MACROD2: variants seen among roughly 807,000 people sequenced by gnomAD.
MACROD2 encodes ADP-ribose glycohydrolase MACROD2.
A neutral mutation model predicts 70.4 loss-of-function variants in MACROD2; 36 were observed. The ratio of observed to expected loss-of-function variants is 0.51; its 90% CI spans 0.39 to 0.68. The LOEUF is 0.68. MACROD2 is among the 30% of genes least tolerant of loss of function. The pLI is 0.00. For synonymous variants in MACROD2, 172 were observed against 178.8 expected (o/e 0.96, Z 0.30); for missense variants, 496 against 538.4 (o/e 0.92, Z 0.78).
chr20:15,965,019 C>T (rs1052523223), intron 12 of MACROD2, among the ~76,000 whole-genome samples: 1 of 152,140 alleles, frequency 6.6e-6, no homozygotes, highest in South Asian at 2.1e-4. Context: ...TTTGTGTGCA[C>T]ACATCGAATA....
intron 12 of MACROD2, among the ~76,000 whole-genome samples, chr20:15,940,821 G>C (rs1395732854): frequency 2.6e-5 from 4 of 152,170 alleles, no homozygotes; most frequent in South Asian, 4.1e-4. Context: ...GATCAAATGT[G>C]ATCAGAGCGA....
intron 3 of MACROD2, among the ~76,000 whole-genome samples, chr20:14,430,292 C>T (rs550745176): frequency 2.6e-5 from 4 of 152,094 alleles, no homozygotes; most frequent in Admixed American, 6.6e-5. Flanking sequence ...CAGGATTTTG[C>T]TTCCACATAG....
At chr20:15,798,480 T>C (rs2063695319) in intron 8 of MACROD2, among the ~76,000 whole-genome samples, 1 of 152,160 alleles carries the variant, frequency 6.6e-6, no homozygotes, top group African/African-American at 2.4e-5. Context: ...GGGAGAGGTT[T>C]ATGGTCTTCA....
intron 3 of MACROD2, among the ~76,000 whole-genome samples, chr20:14,428,928 G>A (rs966521610): frequency 7.9e-5 from 12 of 152,068 alleles, no homozygotes; most frequent in Non-Finnish European, 1.5e-4. Context: ...GAGGTAATTT[G>A]GTCCTCCAGT....
chr20:14,899,406 T>C (rs1241807325), intron 5 of MACROD2, among the ~76,000 whole-genome samples: 4 of 152,160 alleles, frequency 2.6e-5, no homozygotes, highest in Non-Finnish European at 4.4e-5. Flanking sequence ...TTTGCTTTTT[T>C]CTGTGGGCCG....
At chr20:14,972,389 T>C (rs113707499) in intron 5 of MACROD2, among the ~76,000 whole-genome samples, 1,664 of 152,286 alleles carry the variant, frequency 0.011, 31 homozygotes, top group African/African-American at 0.038. Context: ...ACTCTCTTTC[T>C]CTCATCTCCT....
At chr20:14,529,843 G>A (rs1297682934) in intron 4 of MACROD2, among the ~76,000 whole-genome samples, 2 of 152,204 alleles carry the variant, frequency 1.3e-5, no homozygotes, top group Non-Finnish European at 2.9e-5. Flanking sequence ...ATATATGGCA[G>A]TGGTTTCAGA....
intron 4 of MACROD2, among the ~76,000 whole-genome samples, chr20:14,520,947 G>A (rs1448749157): frequency 7.4e-5 from 8 of 107,862 alleles, no homozygotes; most frequent in African/African-American, 1.9e-4. Flanking sequence ...ACATGCACGC[G>A]TGCGTGCGCG....
chr20:15,161,287 CTAAAT>C (rs1159841354), intron 5 of MACROD2, among the ~76,000 whole-genome samples: 3 of 151,058 alleles, frequency 2.0e-5, no homozygotes, highest in African/African-American at 7.3e-5. Context: ...CAAACTGGAC[CTAAAT>C]CAAGTTATAT....
intron 15 of MACROD2, among the ~76,000 whole-genome samples, chr20:16,026,732 T>A (rs543566746): frequency 3.3e-5 from 5 of 152,116 alleles, no homozygotes; most frequent in African/African-American, 1.2e-4. Flanking sequence ...TTTTTTTTAT[T>A]TTTTGAGGAA....
intron 5 of MACROD2, among the ~76,000 whole-genome samples, chr20:14,798,683 T>A (rs2072539552): frequency 6.6e-6 from 1 of 152,136 alleles, no homozygotes; most frequent in Non-Finnish European, 1.5e-5. Context: ...TCTGTGTCTT[T>A]CTGACAAATC....
At chr20:15,574,664 A>G (rs952395218) in intron 8 of MACROD2, among the ~76,000 whole-genome samples, 6 of 152,126 alleles carry the variant, frequency 3.9e-5, no homozygotes, top group Non-Finnish European at 8.8e-5. Flanking sequence ...CATTGCATCA[A>G]TTCTAATAGT....
At chr20:15,788,967 A>G (rs1395451823) in intron 8 of MACROD2, among the ~76,000 whole-genome samples, 1 of 152,166 alleles carries the variant, frequency 6.6e-6, no homozygotes, top group Non-Finnish European at 1.5e-5. Flanking sequence ...TTCATTCTTC[A>G]CTTAGAAAAG....
At chr20:15,595,059 C>T (rs1404978029) in intron 8 of MACROD2, among the ~76,000 whole-genome samples, 1 of 152,156 alleles carries the variant, frequency 6.6e-6, no homozygotes, top group Non-Finnish European at 1.5e-5. Flanking sequence ...CCAGTTCTTA[C>T]TCTGCACTGT....
At chr20:14,680,377 T>C (rs1217510597) in intron 4 of MACROD2, among the ~76,000 whole-genome samples, 2 of 152,172 alleles carry the variant, frequency 1.3e-5, no homozygotes, top group African/African-American at 4.8e-5. Context: ...GGGGCTTGGC[T>C]AACATCTTGG....
At chr20:15,500,855 C>T (rs755280287) in intron 8 of MACROD2, among the ~76,000 whole-genome samples, 42 of 152,144 alleles carry the variant, frequency 2.8e-4, no homozygotes, top group Non-Finnish European at 4.3e-4. Flanking sequence ...TTTCTTCTTA[C>T]TTTGAAATGT....
chr20:14,961,213 C>G (rs1269194090), intron 5 of MACROD2, among the ~76,000 whole-genome samples: 2 of 152,068 alleles, frequency 1.3e-5, no homozygotes, highest in Admixed American at 6.6e-5. Context: ...ATAAAGGTAG[C>G]ACTATCATAT....
intron 3 of MACROD2, among the ~76,000 whole-genome samples, chr20:14,406,095 T>A (rs1291622211): frequency 6.6e-6 from 1 of 152,160 alleles, no homozygotes; most frequent in Non-Finnish European, 1.5e-5. Context: ...TCTTAGAGGA[T>A]ACTTTCTTTT....
chr20:14,500,552 T>C (rs150576400), intron 4 of MACROD2, among the ~76,000 whole-genome samples: 54 of 152,354 alleles, frequency 3.5e-4, no homozygotes, highest in African/African-American at 1.3e-3. Context: ...TTCCAGATGC[T>C]CTTCGTGGTA....
Sources: allele counts gnomAD v4.1 joint callset (sites outside exome capture counted in the v4.1 genomes callset), GRCh38; gene constraint gnomAD v4.1.1; transcripts MANE v1.5; gene names NCBI Gene and HGNC (gene_info 2026-07-23, HGNC 2026-07-21).